Variants in LINC00632 observed in about 807,000 individuals in gnomAD.
The protein encoded by LINC00632 is long independently transcribed non-coding RNA 632, also known as ALDOA related specific transcript.
intron 3 of LINC00632, among the ~76,000 whole-genome samples, chrX:140,761,251 C>A (rs1259757849): frequency 8.9e-6 from 1 of 112,596 alleles, no homozygotes; most frequent in South Asian, 3.7e-4. Context: ...TCAGTGTAAA[C>A]ATGACTCTTT....
chrX:140,778,274 T>C (rs1931896817), exon 5 of LINC00632, among the ~76,000 whole-genome samples: 2 of 112,614 alleles, frequency 1.8e-5, no homozygotes, highest in African/African-American at 6.5e-5. Flanking sequence ...CAATGATCTT[T>C]TCCTCAGTAT....
intron 2 of LINC00632, among the ~76,000 whole-genome samples, chrX:140,723,968 A>G (rs1019476566): frequency 1.1e-5 from 1 of 94,849 alleles, no homozygotes; most frequent in East Asian, 3.6e-4. Flanking sequence ...ACAGTTACCC[A>G]TTCCATACAC....
rs780142265 is a variant in LINC00632 at position 140,732,208 on chromosome X, AAAC to A, written n.105-1661_105-1659del. On this transcript the variant is annotated intron_variant and non_coding_transcript_variant, in intron 2 of 4. Coordinates refer to ENST00000648200, the Ensembl canonical transcript of LINC00632. ...GACAAGAGTGAAACTCCACCTCAAA[AAAC>A]AACAACAAAAAACAAAAACAAAAAA... is the stretch of plus-strand genomic sequence containing the variant. 4.5e-3 allele frequency among the ~76,000 whole-genome samples: 500 copies of A among 111,207 alleles called. 3 individuals are homozygous for A. Among genetic ancestry groups the A allele is most frequent in the African/African-American group, 0.016 (479 of 30,552 alleles).
chrX:140,753,055 TTTTG>T (rs1935531420), intron 3 of LINC00632, among the ~76,000 whole-genome samples: 1 of 112,402 alleles, frequency 8.9e-6, no homozygotes, highest in South Asian at 3.7e-4. Context: ...GATAACATAA[TTTTG>T]TTTGTTACAT....
At chrX:140,719,069 C>T (rs1013267693) in intron 2 of LINC00632, among the ~76,000 whole-genome samples, 1 of 112,258 alleles carries the variant, frequency 8.9e-6, no homozygotes, top group Admixed American at 9.5e-5. Context: ...TGTGCCATAA[C>T]ACATACATTA....
intron 3 of LINC00632, among the ~76,000 whole-genome samples, chrX:140,759,383 C>A (rs1931564135): frequency 1.0e-5 from 1 of 100,348 alleles, no homozygotes; most frequent in African/African-American, 3.7e-5. Flanking sequence ...AAGAGATGGA[C>A]TCTCACTCTG....
At chrX:140,750,062 T>C (rs1010916199) in intron 3 of LINC00632, among the ~76,000 whole-genome samples, 4 of 111,028 alleles carry the variant, frequency 3.6e-5, no homozygotes, top group Non-Finnish European at 3.8e-5. Context: ...GAAAATCTGG[T>C]ATATATACAC....
intron 3 of LINC00632, among the ~76,000 whole-genome samples, chrX:140,742,400 C>A (rs1043368813): frequency 9.0e-6 from 1 of 111,202 alleles, no homozygotes; most frequent in Admixed American, 9.6e-5. Context: ...AAGTGACTTT[C>A]CTATTGGCAA....
exon 5 of LINC00632, chrX:140,784,058 C>T (rs763247621): frequency 1.2e-5 from 15 of 1,210,964 alleles, no homozygotes; most frequent in South Asian, 7.0e-5. Flanking sequence ...CCAGGAAATC[C>T]GTGTCTTCCA....
intron 2 of LINC00632, chrX:140,714,893 T>A (rs1403538016): frequency 9.3e-6 from 1 of 107,912 alleles, no homozygotes; most frequent in Non-Finnish European, 1.9e-5. Context: ...AATTACTTGC[T>A]CCAGAGTTCA....
chrX:140,777,306 T>C (rs1307386314), exon 5 of LINC00632, among the ~76,000 whole-genome samples: 1 of 112,238 alleles, frequency 8.9e-6, no homozygotes, highest in Non-Finnish European at 1.9e-5. Context: ...TTAATAATAA[T>C]TTTAAAAAGG....
chrX:140,723,919 TAC>T (rs1394692455), intron 2 of LINC00632, among the ~76,000 whole-genome samples: 15 of 28,156 alleles, frequency 5.3e-4, no homozygotes, highest in Non-Finnish European at 9.3e-4. Context: ...TGCATACACA[TAC>T]ACACACATTC....
chrX:140,784,188 T>C, exon 5 of LINC00632: 1 of 1,211,950 alleles, frequency 8.3e-7, no homozygotes, highest in African/African-American at 1.7e-5. Flanking sequence ...GAAATCCGTG[T>C]CTTCCAGCAA....
exon 5 of LINC00632, among the ~76,000 whole-genome samples, chrX:140,788,872 TATATATACAC>T (rs1450080208): frequency 9.2e-5 from 7 of 76,282 alleles, no homozygotes; most frequent in South Asian, 7.0e-4. Flanking sequence ...GCATATTCCA[TATATATACAC>T]ATATATACAC....
At chrX:140,775,848 T>C (rs1358561430) in exon 5 of LINC00632, among the ~76,000 whole-genome samples, 2 of 17,954 alleles carry the variant, frequency 1.1e-4, no homozygotes, top group Non-Finnish European at 2.1e-4. Flanking sequence ...CACTCAAACG[T>C]TGAAATTTGG....
intron 3 of LINC00632, among the ~76,000 whole-genome samples, chrX:140,751,632 T>C (rs775611569): frequency 5.4e-5 from 6 of 111,621 alleles, no homozygotes; most frequent in Non-Finnish European, 1.1e-4. Context: ...TGCAGGGTAT[T>C]AAGGGCCTCC....
At chrX:140,715,334 C>A (rs1346436613) in intron 2 of LINC00632, among the ~76,000 whole-genome samples, 1 of 111,908 alleles carries the variant, frequency 8.9e-6, no homozygotes, top group Non-Finnish European at 1.9e-5. Flanking sequence ...GTGGCTCATG[C>A]CTGTAATCCC....
chrX:140,771,436 G>T (rs1293834282), intron 3 of LINC00632, among the ~76,000 whole-genome samples: 1 of 107,588 alleles, frequency 9.3e-6, no homozygotes, highest in Non-Finnish European at 1.9e-5. Context: ...AAGAGGAAAG[G>T]TGATGAAAGA....
At chrX:140,780,390 T>A (rs1430876388) in exon 5 of LINC00632, among the ~76,000 whole-genome samples, 1 of 111,804 alleles carries the variant, frequency 8.9e-6, no homozygotes, top group Admixed American at 9.5e-5. Flanking sequence ...GAGGGATACA[T>A]GAAACAATAA....
Sources: gnomAD v4.1 joint callset for allele counts (sites outside exome capture counted in the v4.1 genomes callset) on GRCh38, gnomAD v4.1.1 for gene constraint, MANE v1.5 for transcripts, NCBI Gene and HGNC (gene_info 2026-07-23, HGNC 2026-07-21) for gene names.